Variants in TTLL5 observed in about 807,000 individuals in gnomAD.
The protein encoded by TTLL5 is tubulin tyrosine ligase like 5.
TTLL5 carries 132 observed loss-of-function variants against 168.4 expected under a neutral mutation model. The observed-to-expected ratio is 0.78, with a 90% CI of 0.68 to 0.91. TTLL5 has a LOEUF of 0.91. Among genes scored for constraint, TTLL5 ranks in the 40% least tolerant of loss-of-function variants. The probability of loss-of-function intolerance (pLI) is 0.00; values close to 1 mark genes in which losing one functional copy is unlikely to be tolerated. For synonymous variants in TTLL5, 546 were observed against 558.6 expected (o/e 0.98, Z 0.32); for missense variants, 1,545 against 1,581.5 (o/e 0.98, Z 0.39).
chr14:75,818,106 G>C (rs1894574652), intron 27 of TTLL5, among the ~76,000 whole-genome samples: 1 of 151,904 alleles, frequency 6.6e-6, no homozygotes, highest in Admixed American at 6.6e-5. Flanking sequence ...CCAAAGTGCT[G>C]CGATTATAGG....
At position 75,954,712 on chromosome 14, in the gene TTLL5, G is replaced by T; in HGVS notation, c.*266G>T. 1.9e-6 allele frequency: 1 copy of T among 526,484 alleles called. No homozygotes were observed. Among genetic ancestry groups the T allele is most frequent in the South Asian group, 2.9e-5 (1 of 34,638 alleles). The allele number at this position is 526,484 out of a possible 1,614,324, so 32.6% of individuals were successfully genotyped here. On this transcript the variant is annotated 3_prime_UTR_variant, in exon 32 of 32. Transcript: ENST00000298832. ...CTGATGCATTATATACCCCGTCAGA[G>T]CACACTTGTATCTTTTACCTTCCCT...
In TTLL5 at chr14:75,686,315, T is replaced by A. The variant is rs1008548573; in HGVS notation, c.371+2659T>A. ...GTTTTAAGGTGCTAATTGCCCCGAT[T>A]TTCTTTATAACTTTGCCTCTTCTAT... On this transcript the variant is annotated intron_variant, in intron 5 of 31. Transcript: ENST00000298832. 2.6e-5 allele frequency among the ~76,000 whole-genome samples: 4 copies of A among 152,180 alleles called. 1 individual carries two copies. The highest frequency in any genetic ancestry group is 9.7e-5 in the African/African-American group (4 of 41,432).
chr14:75,681,060 T>C (rs1032814428), intron 3 of TTLL5, among the ~76,000 whole-genome samples: 2 of 152,324 alleles, frequency 1.3e-5, no homozygotes, highest in Non-Finnish European at 2.9e-5. Flanking sequence ...AAATACATTG[T>C]ATTGAAATAT....
chr14:75,930,479 G>A (rs1471206128), intron 31 of TTLL5: 3 of 611,210 alleles, frequency 4.9e-6, no homozygotes, highest in Admixed American at 6.3e-5. Context: ...TAAGTATAAT[G>A]CAAATATTCT....
intron 29 of TTLL5, among the ~76,000 whole-genome samples, chr14:75,878,661 AGG>A (rs897274361): frequency 2.6e-5 from 4 of 152,242 alleles, no homozygotes; most frequent in Non-Finnish European, 5.9e-5. Flanking sequence ...TTAAGAAGAA[AGG>A]GAGAAGCGAT....
chr14:75,724,725 A>G (rs1207236266), intron 12 of TTLL5, among the ~76,000 whole-genome samples: 1 of 152,146 alleles, frequency 6.6e-6, no homozygotes, highest in Non-Finnish European at 1.5e-5. Flanking sequence ...GATTTATAGA[A>G]TTTTTTATGC....
chr14:75,707,585 T>G, intron 8 of TTLL5, 38 bp from the exon 9 acceptor site: 1 of 1,583,948 alleles, frequency 6.3e-7, no homozygotes, highest in Non-Finnish European at 8.6e-7. Flanking sequence ...ACAAATGAAC[T>G]TAGTTTTTTT....
intron 5 of TTLL5, among the ~76,000 whole-genome samples, chr14:75,686,994 T>C (rs1885110037): frequency 2.0e-5 from 3 of 152,234 alleles, no homozygotes; most frequent in Non-Finnish European, 4.4e-5. Flanking sequence ...CAGGTTCGGT[T>C]TTTATAACCT....
intron 31 of TTLL5, among the ~76,000 whole-genome samples, chr14:75,950,190 A>G (rs2034917032): frequency 6.6e-6 from 1 of 152,258 alleles, no homozygotes; most frequent in South Asian, 2.1e-4. Context: ...GATTTCAATA[A>G]TAACGTTAGG....
At chr14:75,696,902 ATAT>A (rs1405138584) in intron 6 of TTLL5, among the ~76,000 whole-genome samples, 1 of 152,212 alleles carries the variant, frequency 6.6e-6, no homozygotes, top group African/African-American at 2.4e-5. Context: ...TTCATTAATA[ATAT>A]TCTTGTTTTG....
chr14:75,798,782 CT>C (rs1185822073), intron 27 of TTLL5, among the ~76,000 whole-genome samples: 1 of 152,106 alleles, frequency 6.6e-6, no homozygotes, highest in East Asian at 1.9e-4. Context: ...TTGAGGGTTC[CT>C]TTTGGAGTTG....
intron 31 of TTLL5, among the ~76,000 whole-genome samples, chr14:75,908,260 A>T (rs1031825497): frequency 6.6e-6 from 1 of 152,250 alleles, no homozygotes; most frequent in African/African-American, 2.4e-5. Context: ...CACGACTGTC[A>T]CTGCTGGGAA....
intron 31 of TTLL5, among the ~76,000 whole-genome samples, chr14:75,952,413 G>A (rs1186631871): frequency 6.6e-6 from 1 of 152,216 alleles, no homozygotes; most frequent in Non-Finnish European, 1.5e-5. Context: ...ACTGTTGGGA[G>A]GGATGTAAAA....
chr14:75,673,645 A>C (rs1034389967), intron 3 of TTLL5, among the ~76,000 whole-genome samples: 2 of 152,232 alleles, frequency 1.3e-5, no homozygotes, highest in African/African-American at 4.8e-5. Context: ...AGCTCATTTA[A>C]TGTCCGACAC....
At position 75,732,334 on chromosome 14, in the gene TTLL5, C is replaced by A; in HGVS notation, c.1043-4C>A. 6.2e-7 allele frequency: 1 copy of A among 1,612,974 alleles called. No homozygotes were observed. The highest frequency in any genetic ancestry group is 8.5e-7 in the Non-Finnish European group (1 of 1,179,434). Reference sequence around the variant, plus strand: ...TTGTGTATTGTGTTGTGTTGTATTTCTAGAACTCTATGGCTTTGACGTGCT... The same window carrying A: ...TTGTGTATTGTGTTGTGTTGTATTTATAGAACTCTATGGCTTTGACGTGCT... On this transcript the variant is annotated splice_polypyrimidine_tract_variant and splice_region_variant and intron_variant, in intron 12 of 31. Coordinates refer to ENST00000298832, the MANE Select transcript of TTLL5 (RefSeq NM_015072.5).
chr14:75,913,263 CT>C (rs2033463723), intron 31 of TTLL5, among the ~76,000 whole-genome samples: 1 of 152,164 alleles, frequency 6.6e-6, no homozygotes, highest in East Asian at 1.9e-4. Flanking sequence ...TAGGCACCAT[CT>C]CCCCACTTTT....
chr14:75,835,466 C>T (rs895460355), intron 28 of TTLL5: 2 of 152,314 alleles, frequency 1.3e-5, no homozygotes, highest in South Asian at 4.1e-4. Context: ...AACACACAAT[C>T]TCTATTTGTC....
chr14:75,822,333 T>C (rs555635059), intron 28 of TTLL5, among the ~76,000 whole-genome samples: 2 of 152,326 alleles, frequency 1.3e-5, no homozygotes, highest in East Asian at 3.9e-4. Context: ...TTAATCTTTT[T>C]ATTGGGTAAG....
rs539036801 is a variant in TTLL5 at position 75,759,659 on chromosome 14, A to G, written c.1551-4956A>G. The stretch of plus-strand genomic sequence containing the variant: ...TTAATACTAGCAAATCTAATCTGCC[A>G]TTATAAAAAGGATAATACATATGAC... On this transcript the variant is annotated intron_variant, in intron 18 of 31. Transcript: ENST00000298832. Among the ~76,000 whole-genome samples, 17 of 152,222 alleles carry G rather than the reference A, an allele frequency of 1.1e-4. No homozygotes were observed. In the South Asian group the frequency reaches 3.1e-3, roughly 28 times the overall value.
Sources: allele counts gnomAD v4.1 joint callset (sites outside exome capture counted in the v4.1 genomes callset), GRCh38; gene constraint gnomAD v4.1.1; transcripts MANE v1.5; gene names NCBI Gene and HGNC (gene_info 2026-07-23, HGNC 2026-07-21).